The following CFAP251 variants were observed in gnomAD, a reference collection of about 807,000 sequenced individuals.
CFAP251 encodes the protein cilia- and flagella-associated protein 251.
CFAP251 carries 93 observed loss-of-function variants against 126.7 expected under a neutral mutation model. The ratio of observed to expected loss-of-function variants is 0.73; its 90% confidence interval spans 0.62 to 0.87. CFAP251 has a LOEUF of 0.87. Among genes scored for constraint, CFAP251 ranks in the 40% least tolerant of loss-of-function variants. The pLI is 0.00. For synonymous variants in CFAP251, 503 were observed against 506.9 expected, an observed-to-expected ratio of 0.99 and a Z score of 0.10; for missense variants, 1,287 against 1,389.2, an observed-to-expected ratio of 0.93 and a Z score of 1.17.
At chr12:121,991,133 C>T (rs1257985260) in intron 19 of CFAP251, among the ~76,000 whole-genome samples, 1 of 152,212 alleles carries the variant, frequency 6.6e-6, no homozygotes, top group African/African-American at 2.4e-5. Context: ...TTTGTGGCCT[C>T]ACTTGTGTCC....
At chr12:121,926,416 T>C (rs1435246600) in intron 3 of CFAP251, among the ~76,000 whole-genome samples, 1 of 152,108 alleles carries the variant, frequency 6.6e-6, no homozygotes, top group Non-Finnish European at 1.5e-5. Flanking sequence ...AACCTCCGTC[T>C]CCTGGGTTCA....
At chr12:121,998,889 CAAAAAAAAAAAAAAAAAA>C (rs60289920) in intron 19 of CFAP251, 1 of 30,600 alleles carries the variant, frequency 3.3e-5, no homozygotes, top group African/African-American at 1.0e-4. Context: ...GACCCTGTAT[CAAAAAAAAAAAAAAAAAA>C]AAAAAAAAAA....
intron 13 of CFAP251, chr12:121,959,308 G>A: frequency 2.1e-6 from 1 of 472,080 alleles, no homozygotes; most frequent in Admixed American, 3.9e-5. Flanking sequence ...AGGCCTTGTG[G>A]CACACATCTG....
intron 9 of CFAP251, among the ~76,000 whole-genome samples, chr12:121,952,240 T>TAAAAAAAAA (rs558861973): frequency 2.2e-5 from 2 of 92,082 alleles, no homozygotes; most frequent in Non-Finnish European, 3.7e-5. Context: ...TCGTTTCTAC[T>TAAAAAAAAA]AAAAAAAAAA....
chr12:121,971,928 TTTGA>T (rs1882341281), intron 17 of CFAP251: 9 of 304,418 alleles, frequency 3.0e-5, no homozygotes, highest in Non-Finnish European at 5.1e-5. Flanking sequence ...GATCTGATGG[TTTGA>T]TAAGGGGAAA....
At chr12:121,922,441 G>A (rs1233859175) in intron 2 of CFAP251, among the ~76,000 whole-genome samples, 6 of 152,152 alleles carry the variant, frequency 3.9e-5, no homozygotes, top group African/African-American at 1.4e-4. Flanking sequence ...TAGGGAGGCA[G>A]ACCTATGAGT....
At chr12:121,996,826 C>T (rs1407308501) in intron 19 of CFAP251, 2 of 152,142 alleles carry the variant, frequency 1.3e-5, no homozygotes, top group Non-Finnish European at 2.9e-5. Context: ...GGAGTCACAG[C>T]TTTTATCTCT....
chr12:121,947,332 T>C (rs7315722), intron 7 of CFAP251, among the ~76,000 whole-genome samples: 2 of 152,204 alleles, frequency 1.3e-5, no homozygotes, highest in Non-Finnish European at 2.9e-5. Flanking sequence ...ATTCCCCATC[T>C]TGTCCTCTAC....
chr12:121,949,176 A>G, intron 8 of CFAP251, 115 bp downstream of exon 8: 1 of 547,484 alleles, frequency 1.8e-6, no homozygotes, highest in South Asian at 4.2e-5. Flanking sequence ...GAAGCAATGA[A>G]TATATATTAA....
At chr12:121,970,576 A>G (rs1409476025) in intron 17 of CFAP251, among the ~76,000 whole-genome samples, 6 of 152,198 alleles carry the variant, frequency 3.9e-5, no homozygotes, top group Non-Finnish European at 8.8e-5. Context: ...GCTCCTTTCC[A>G]GAAGTACTGT....
chr12:121,921,491 G>GGAGGAGGAGGACAAA lies in CFAP251; in HGVS notation c.196_197insACAAAGAGGAGGAGG (p.Glu65_Gly66insAspLysGluGluGlu), dbSNP rs71082910. ...AGAGGAAAACGGGCGAGGAGGAAGG[G>GGAGGAGGAGGACAAA]GAGGAGGAGGGGAAGGAGGACAAAA... is the stretch of plus-strand genomic sequence containing the variant. On this transcript the variant is annotated inframe_insertion, in exon 2 of 22. Transcript: ENST00000288912. 30 of 1,607,928 alleles carry GGAGGAGGAGGACAAA rather than the reference G, an allele frequency of 1.9e-5. No individual in the cohort carries two copies. The highest frequency in any genetic ancestry group is 2.4e-5 in the Non-Finnish European group (28 of 1,176,722).
chr12:121,959,038 A>G lies in CFAP251; in HGVS notation c.2077A>G (p.Arg693Gly). 6.2e-7 allele frequency: 1 copy of G among 1,613,220 alleles called. No individual in the cohort carries two copies. Among genetic ancestry groups the G allele is most frequent in the South Asian group, 1.1e-5 (1 of 90,856 alleles). The stretch of plus-strand genomic sequence containing the variant: ...AAGCCCAGAGCCTTTCAAATATTCC[A>G]GAACCAGTGTGACTCATATAAGCTT... ...NESPEPFKYS[R>G]TSVTHISFSH... Residue 693 changes from arginine to glycine, a missense_variant, in exon 13 of 22, where the codon AGA (arginine) becomes GGA (glycine). By Grantham distance (125) the Arg-to-Gly change is moderately radical. Coordinates refer to ENST00000288912, the MANE Select transcript of CFAP251 (RefSeq NM_144668.6).
At chr12:121,991,453 C>T (rs944660277) in intron 19 of CFAP251, among the ~76,000 whole-genome samples, 2 of 152,190 alleles carry the variant, frequency 1.3e-5, no homozygotes, top group Admixed American at 6.5e-5. Context: ...AAAGTGTGGT[C>T]CCCAGACCAA....
intron 19 of CFAP251, chr12:121,992,299 C>T (rs1882894423): frequency 4.1e-6 from 4 of 985,296 alleles, no homozygotes; most frequent in Admixed American, 6.2e-5. Context: ...CTTGCGAAGT[C>T]GGCTCAGGAA....
chr12:121,958,605 A>T, intron 12 of CFAP251, 83 bp downstream of exon 12: 1 of 1,577,732 alleles, frequency 6.3e-7, no homozygotes. Flanking sequence ...GCATAGCTCC[A>T]GGAAGTCTCC....
Position 121,951,502 on chromosome 12 carries a change from C to T in CFAP251, c.1292C>T (p.Ala431Val). The stretch of plus-strand genomic sequence containing the variant: ...CAGTATGAAGAGAGGGATACACTGG[C>T]TCACAGTGCCCCACTTTTAACTGAA... ...YAWYEERDTL[A>V]HSAPLLTEKT... The change falls in exon 9 of 22, where the codon GCT becomes GTT. Residue 431 changes from alanine to valine, a missense_variant. Transcript: ENST00000288912. 6.3e-7 allele frequency: 1 copy of T among 1,584,022 alleles called. No individual in the cohort carries two copies. Among genetic ancestry groups the T allele is most frequent in the Non-Finnish European group, 8.6e-7 (1 of 1,156,974 alleles).
Position 121,931,968 on chromosome 12 carries a change from A to T in CFAP251, c.888+82A>T, listed in dbSNP as rs1054625822. 7.7e-6 allele frequency: 10 copies of T among 1,301,520 alleles called. No individual in the cohort carries two copies. In the African/African-American group the frequency reaches 1.5e-4, roughly 20 times the overall value. 80.6% of individuals were successfully genotyped at this position (1,301,520 alleles called of 1,614,324 possible). On this transcript the variant is annotated intron_variant, in intron 4 of 21. Transcript: ENST00000288912. ...ATTTTGTTTTGTATCTCAAGGGCTG[A>T]CTTCATTCTATCACTGTCGTATTTT...
At chr12:121,969,409 G>C in intron 17 of CFAP251, 1 of 985,340 alleles carries the variant, frequency 1.0e-6, no homozygotes, top group East Asian at 1.1e-4. Flanking sequence ...TGGCTGCCTG[G>C]TTCCTTGCTC....
chr12:121,977,767 A>G (rs1354903832), intron 19 of CFAP251, among the ~76,000 whole-genome samples: 1 of 151,234 alleles, frequency 6.6e-6, no homozygotes, highest in Non-Finnish European at 1.5e-5. Flanking sequence ...CATCCTGGCT[A>G]ACACGGTGAA....
Sources: gnomAD v4.1 joint callset for allele counts (sites outside exome capture counted in the v4.1 genomes callset) on GRCh38, gnomAD v4.1.1 for gene constraint, MANE v1.5 for transcripts, NCBI Gene and HGNC (gene_info 2026-07-23, HGNC 2026-07-21) for gene names.